ALDH3B2: variants seen among roughly 807,000 people sequenced by gnomAD.
ALDH3B2 encodes aldehyde dehydrogenase family 3 member B2.
Under a neutral mutation model 36.7 loss-of-function variants are expected in ALDH3B2, and 45 were observed. The ratio of observed to expected loss-of-function variants is 1.23; its 90% CI spans 0.97 to 1.57. The LOEUF (loss-of-function observed/expected upper bound fraction) is 1.57. Among genes scored for constraint, ALDH3B2 ranks in the 40% most tolerant of loss-of-function variants. The pLI, the probability that ALDH3B2 is intolerant of heterozygous loss-of-function variation, is 0.00. For missense variants in ALDH3B2, 464 were observed against 513.3 expected (o/e 0.90, Z 0.93); for synonymous variants, 217 against 226.5 (o/e 0.96, Z 0.38).
rs149379850 is a variant in ALDH3B2, at chr11:67,680,911, G to A, written c.-245+265C>T. On this transcript the variant is annotated intron_variant, in intron 1 of 9. Transcript: ENST00000530069. ...CCCTCTGGGCCCAGGGACTGTTGTG[G>A]AAGAGGTGGGCACGTGACATTGTAA... Among the ~76,000 whole-genome samples the A allele has an allele frequency of 8.2e-3, 1,242 of 152,268 alleles. 5 individuals are homozygous for A. The highest frequency in any genetic ancestry group is 0.012 in the Non-Finnish European group (833 of 68,026).
Sources: allele counts gnomAD v4.1 joint callset (sites outside exome capture counted in the v4.1 genomes callset), GRCh38; gene constraint gnomAD v4.1.1; transcripts MANE v1.5; gene names NCBI Gene and HGNC (gene_info 2026-07-23, HGNC 2026-07-21).